AHI1: variants seen among roughly 807,000 people sequenced by gnomAD.
AHI1 encodes jouberin.
AHI1 carries 123 observed loss-of-function variants against 149.3 expected under a neutral mutation model. The observed-to-expected ratio is 0.82, with a 90% confidence interval of 0.71 to 0.96. The LOEUF is 0.96. Ranked by LOEUF, AHI1 falls within the 40% of genes least tolerant of loss-of-function variation. The probability of loss-of-function intolerance (pLI) is 0.00; values close to 1 mark genes in which losing one functional copy is unlikely to be tolerated. For missense variants in AHI1, 1,439 were observed against 1,422.7 expected (o/e 1.01, Z -0.18); for synonymous variants, 475 against 459.8 (o/e 1.03, Z -0.42).
chr6:135,422,619 T>TATG (rs1783347648), intron 20 of AHI1, among the ~76,000 whole-genome samples: 23 of 147,840 alleles, frequency 1.6e-4, no homozygotes, highest in Non-Finnish European at 2.5e-4. Flanking sequence ...AGTTTTATTT[T>TATG]TATGTATGTA....
At chr6:135,446,208 C>T (rs1245860818) in intron 13 of AHI1, among the ~76,000 whole-genome samples, 1 of 152,130 alleles carries the variant, frequency 6.6e-6, no homozygotes, top group East Asian at 1.9e-4. Context: ...AAGCTCTAAC[C>T]CCTAACACCT....
intron 15 of AHI1, chr6:135,435,199 C>T (rs920130972): frequency 2.6e-5 from 4 of 152,174 alleles, no homozygotes; most frequent in Non-Finnish European, 4.4e-5. Context: ...TAGCCACATG[C>T]TTCTCTTTTC....
At chr6:135,311,301 CAAAAAAAAAA>C (rs35950731) in intron 26 of AHI1, among the ~76,000 whole-genome samples, 1 of 79,944 alleles carries the variant, frequency 1.3e-5, no homozygotes, top group Non-Finnish European at 2.4e-5. Flanking sequence ...GACCCCGCCT[CAAAAAAAAAA>C]AAAAAAAAAA....
intron 5 of AHI1, chr6:135,490,377 A>C: frequency 1.5e-6 from 1 of 648,688 alleles, no homozygotes; most frequent in South Asian, 1.8e-5. Context: ...TTTCCCCACT[A>C]TCTCTGGTCA....
Position 135,443,454 on chromosome 6 carries a change from T to C in AHI1, c.1780-740A>G, listed in dbSNP as rs189978632. Among the ~76,000 whole-genome samples the C allele has an allele frequency of 7.2e-5, 11 of 152,342 alleles. No homozygotes were observed. In the East Asian group the frequency reaches 1.7e-3, roughly 24 times the overall value. On this transcript the variant is annotated intron_variant, in intron 13 of 28. Transcript: ENST00000265602. ...AAACATATACTGGGCTCTTACTATATGTCATGAAAGTTGTACTTTATTACA... is the reference window on the plus strand; with the variant it reads ...AAACATATACTGGGCTCTTACTATACGTCATGAAAGTTGTACTTTATTACA...
At chr6:135,328,314 T>C (rs1788018020) in intron 24 of AHI1, among the ~76,000 whole-genome samples, 1 of 152,218 alleles carries the variant, frequency 6.6e-6, no homozygotes, top group South Asian at 2.1e-4. Flanking sequence ...CAACCCTGCA[T>C]TGAGCAAGTC....
intron 4 of AHI1, among the ~76,000 whole-genome samples, chr6:135,491,563 C>G (rs557387319): frequency 3.6e-4 from 55 of 152,202 alleles, no homozygotes; most frequent in African/African-American, 1.3e-3. Context: ...AGCACTCAAC[C>G]CAAATGGAAA....
chr6:135,315,368 G>A lies in AHI1; in HGVS notation c.3426+3151C>T, dbSNP rs1210409650. ...CTTGGTGACTCCTTTTCCGTGTGAT[G>A]CTATGCCTCTACCTGGGCCCCGGTA... On this transcript the variant is annotated intron_variant, in intron 26 of 28. Coordinates refer to ENST00000265602, the MANE Select transcript of AHI1 (RefSeq NM_001134831.2). 1.3e-5 allele frequency among the ~76,000 whole-genome samples: 2 copies of A among 152,150 alleles called. 1 individual carries two copies. The highest frequency in any genetic ancestry group is 4.2e-4 in the South Asian group (2 of 4,816).
At chr6:135,455,993 G>T (rs1340775055) in intron 9 of AHI1, 67 bp from the exon 10 acceptor site, 2 of 1,092,920 alleles carry the variant, frequency 1.8e-6, no homozygotes, top group African/African-American at 3.2e-5. Flanking sequence ...AAAATATATA[G>T]TGTACAAGGT....
At chr6:135,401,663 C>T (rs1419018224) in intron 22 of AHI1, among the ~76,000 whole-genome samples, 2 of 152,138 alleles carry the variant, frequency 1.3e-5, no homozygotes, top group African/African-American at 2.4e-5. Flanking sequence ...GTGGACCTAT[C>T]CATCATACCA....
chr6:135,328,904 T>C (rs1788115124), intron 24 of AHI1, among the ~76,000 whole-genome samples: 1 of 152,152 alleles, frequency 6.6e-6, no homozygotes, highest in Admixed American at 6.6e-5. Context: ...ATTGCTGATA[T>C]GGAAGTTTTA....
At chr6:135,317,391 T>A (rs772401981) in intron 26 of AHI1, among the ~76,000 whole-genome samples, 63 of 150,974 alleles carry the variant, frequency 4.2e-4, no homozygotes, top group Non-Finnish European at 7.4e-4. Flanking sequence ...TACCATCCCA[T>A]AACTTACTCA....
intron 20 of AHI1, among the ~76,000 whole-genome samples, chr6:135,414,113 G>A (rs888920761): frequency 6.6e-6 from 1 of 152,098 alleles, no homozygotes; most frequent in Non-Finnish European, 1.5e-5. Flanking sequence ...GTTTGCTACT[G>A]GCATAAAGAT....
intron 23 of AHI1, among the ~76,000 whole-genome samples, chr6:135,386,299 A>C (rs1333063107): frequency 6.6e-6 from 1 of 150,600 alleles, no homozygotes; most frequent in African/African-American, 2.4e-5. Context: ...TCTACTATAG[A>C]AAAGTGTTTT....
At chr6:135,414,272 T>G (rs2127981694) in intron 20 of AHI1, among the ~76,000 whole-genome samples, 1 of 152,312 alleles carries the variant, frequency 6.6e-6, no homozygotes, top group South Asian at 2.1e-4. Context: ...CTTTGATCCA[T>G]ACTTTACAAC....
At chr6:135,496,755 AAAAATCCTGTATAC>A (rs1216425055) in intron 2 of AHI1, among the ~76,000 whole-genome samples, 2 of 152,372 alleles carry the variant, frequency 1.3e-5, no homozygotes, top group Non-Finnish European at 2.9e-5. Flanking sequence ...AAAGACAAAC[AAAAATCCTGTATAC>A]AAAATTCAAT....
rs558515649 is a variant in AHI1 at position 135,471,539 on chromosome 6, G to C, written c.136-3905C>G. 1.4e-3 allele frequency among the ~76,000 whole-genome samples: 214 copies of C among 151,914 alleles called. 1 individual carries two copies. Among genetic ancestry groups the C allele is most frequent in the African/African-American group, 4.8e-3 (197 of 41,414 alleles). The stretch of plus-strand genomic sequence containing the variant: ...GTACTGTACTATTTTTTTTAAAAAA[G>C]TCTCCTTTGTGGAATTCAGCAGTTT... On this transcript the variant is annotated intron_variant, in intron 5 of 28. Coordinates refer to ENST00000265602, the MANE Select transcript of AHI1 (RefSeq NM_001134831.2).
chr6:135,434,591 A>G (rs1342934100), intron 15 of AHI1, among the ~76,000 whole-genome samples: 1 of 152,114 alleles, frequency 6.6e-6, no homozygotes, highest in Non-Finnish European at 1.5e-5. Flanking sequence ...CATAATATTA[A>G]AAAAATAAAA....
chr6:135,364,007 G>A (rs1465550088), intron 23 of AHI1, among the ~76,000 whole-genome samples: 2 of 148,970 alleles, frequency 1.3e-5, no homozygotes, highest in East Asian at 4.0e-4. Flanking sequence ...TCACTTCCCA[G>A]TAGGGGCGGC....
Sources: gnomAD v4.1 joint callset for allele counts (sites outside exome capture counted in the v4.1 genomes callset) on GRCh38, gnomAD v4.1.1 for gene constraint, MANE v1.5 for transcripts, NCBI Gene and HGNC (gene_info 2026-07-23, HGNC 2026-07-21) for gene names.